Variants in B3GALT1 observed in about 807,000 individuals in gnomAD.
B3GALT1 encodes the protein beta-1,3-galactosyltransferase 1, also known as UDP-Gal:betaGlcNAc beta 1,3-galactosyltransferase, polypeptide 1.
In B3GALT1, 10 loss-of-function variants were observed where a neutral mutation model predicts 23.2. The observed-to-expected ratio is 0.43, with a 90% CI of 0.27 to 0.73. The LOEUF is 0.73. Ranked by LOEUF, B3GALT1 falls within the 30% of genes least tolerant of loss-of-function variation. The pLI is 0.21. For synonymous variants in B3GALT1, 156 were observed against 141.5 expected (o/e 1.10, Z -0.73); for missense variants, 299 against 405.4 (o/e 0.74, Z 2.25).
intron 1 of B3GALT1, among the ~76,000 whole-genome samples, chr2:167,375,826 C>T (rs1697754779): frequency 6.6e-6 from 1 of 152,018 alleles, no homozygotes; most frequent in Admixed American, 6.6e-5. Flanking sequence ...TGCCTTTTCT[C>T]TTGCCTGCTG....
At chr2:167,863,659 T>C (rs1690149728) in intron 4 of B3GALT1, among the ~76,000 whole-genome samples, 1 of 152,368 alleles carries the variant, frequency 6.6e-6, no homozygotes, top group Admixed American at 6.5e-5. Flanking sequence ...TGCTACTCTT[T>C]CTTGTCTTTA....
intron 2 of B3GALT1, among the ~76,000 whole-genome samples, chr2:167,528,518 T>G (rs1365262631): frequency 2.6e-5 from 4 of 152,026 alleles, no homozygotes; most frequent in Non-Finnish European, 5.9e-5. Flanking sequence ...GAGACAAGAG[T>G]GTATAGTCCA....
intron 2 of B3GALT1, among the ~76,000 whole-genome samples, chr2:167,519,073 A>ATT (rs138620931): frequency 5.6e-4 from 84 of 150,940 alleles, no homozygotes; most frequent in East Asian, 9.9e-4. Context: ...AACAAATACA[A>ATT]TTTCTTTTTT....
intron 2 of B3GALT1, among the ~76,000 whole-genome samples, chr2:167,581,541 G>A (rs1480406725): frequency 3.3e-5 from 5 of 152,088 alleles, no homozygotes; most frequent in African/African-American, 4.8e-5. Flanking sequence ...CTTCTTAAAC[G>A]GATATATCTG....
At chr2:167,684,326 A>C (rs576009386) in intron 3 of B3GALT1, among the ~76,000 whole-genome samples, 1 of 152,206 alleles carries the variant, frequency 6.6e-6, no homozygotes, top group Admixed American at 6.5e-5. Flanking sequence ...AATTTTTCCC[A>C]TGTTCCTGTT....
chr2:167,339,262 A>C (rs1697111074), intron 1 of B3GALT1, among the ~76,000 whole-genome samples: 1 of 152,184 alleles, frequency 6.6e-6, no homozygotes, highest in Non-Finnish European at 1.5e-5. Flanking sequence ...TTTAAATTTC[A>C]AAATAAGAAT....
At chr2:167,563,967 C>T (rs1174769301) in intron 2 of B3GALT1, among the ~76,000 whole-genome samples, 5 of 138,700 alleles carry the variant, frequency 3.6e-5, no homozygotes, top group Non-Finnish European at 7.9e-5. Flanking sequence ...CCCCCCACCT[C>T]CCTTCCGGAC....
At chr2:167,442,123 T>G (rs1337797912) in intron 1 of B3GALT1, among the ~76,000 whole-genome samples, 1 of 151,360 alleles carries the variant, frequency 6.6e-6, no homozygotes, top group Non-Finnish European at 1.5e-5. Context: ...AGTGAGAATA[T>G]GCACTGTTTG....
At chr2:167,646,042 A>G (rs1168365961) in intron 2 of B3GALT1, among the ~76,000 whole-genome samples, 1 of 152,284 alleles carries the variant, frequency 6.6e-6, no homozygotes, top group East Asian at 1.9e-4. Flanking sequence ...AGTTTTCTAT[A>G]CCTTTTCTGA....
chr2:167,771,641 T>A (rs1282160946), intron 3 of B3GALT1, among the ~76,000 whole-genome samples: 4 of 152,184 alleles, frequency 2.6e-5, no homozygotes, highest in African/African-American at 9.7e-5. Context: ...AACTATCATA[T>A]CATGAATGAA....
rs114486810 is a variant in B3GALT1 at position 167,734,411 on chromosome 2, T to A, written c.-351-84261T>A. Among the ~76,000 whole-genome samples the A allele has an allele frequency of 3.9e-3, 599 of 152,330 alleles. 4 individuals are homozygous for A. The highest frequency in any genetic ancestry group is 0.014 in the African/African-American group (577 of 41,578). On this transcript the variant is annotated intron_variant, in intron 3 of 4. Transcript: ENST00000392690. ...GTTAAATCAATTTCCAGGCCACTTT[T>A]GCTGTAAGGCAATAGCAACTTTTCA...
At chr2:167,844,817 C>T (rs1455697115) in intron 4 of B3GALT1, among the ~76,000 whole-genome samples, 1 of 152,204 alleles carries the variant, frequency 6.6e-6, no homozygotes, top group Non-Finnish European at 1.5e-5. Context: ...AAGCCTTGTT[C>T]TTTCCCAGCT....
intron 3 of B3GALT1, among the ~76,000 whole-genome samples, chr2:167,772,918 C>T (rs1487132052): frequency 4.6e-5 from 7 of 152,086 alleles, no homozygotes. Flanking sequence ...GTAAACATTT[C>T]CTTTACCCCT....
intron 1 of B3GALT1, among the ~76,000 whole-genome samples, chr2:167,488,511 T>C (rs1164997692): frequency 6.6e-6 from 1 of 152,262 alleles, no homozygotes; most frequent in African/African-American, 2.4e-5. Flanking sequence ...TGGTTTTCAC[T>C]GTACAGTTCA....
chr2:167,354,559 A>C (rs577418041), intron 1 of B3GALT1, among the ~76,000 whole-genome samples: 1 of 151,896 alleles, frequency 6.6e-6, no homozygotes, highest in Non-Finnish European at 1.5e-5. Context: ...GTTGGCCAGG[A>C]TGGTCTCGGT....
chr2:167,450,686 T>C (rs1699075161), intron 1 of B3GALT1, among the ~76,000 whole-genome samples: 1 of 152,234 alleles, frequency 6.6e-6, no homozygotes, highest in African/African-American at 2.4e-5. Context: ...AATGATCTTT[T>C]TTCAATGAAT....
chr2:167,342,140 TG>T (rs1483282988), intron 1 of B3GALT1, among the ~76,000 whole-genome samples: 2 of 152,096 alleles, frequency 1.3e-5, no homozygotes, highest in Non-Finnish European at 2.9e-5. Context: ...AATGGAAAAT[TG>T]TAAGTTTTTT....
At chr2:167,466,281 A>G (rs1486613045) in intron 1 of B3GALT1, among the ~76,000 whole-genome samples, 2 of 152,188 alleles carry the variant, frequency 1.3e-5, no homozygotes, top group African/African-American at 4.8e-5. Context: ...GCTATTCAGT[A>G]TACATTAAGA....
intron 1 of B3GALT1, among the ~76,000 whole-genome samples, chr2:167,426,080 T>A (rs754473115): frequency 6.6e-6 from 1 of 152,086 alleles, no homozygotes; most frequent in Non-Finnish European, 1.5e-5. Context: ...ACAATGCACA[T>A]CTTAAACCAA....
Sources: gnomAD v4.1 joint callset for allele counts (sites outside exome capture counted in the v4.1 genomes callset) on GRCh38, gnomAD v4.1.1 for gene constraint, MANE v1.5 for transcripts, NCBI Gene and HGNC (gene_info 2026-07-23, HGNC 2026-07-21) for gene names.